Variants in ZNF552 observed in about 807,000 individuals in gnomAD.
ZNF552 encodes the protein zinc finger protein 552.
A neutral mutation model predicts 7.2 loss-of-function variants in ZNF552; 2 were observed. The observed-to-expected ratio is 0.28, with a 90% confidence interval of 0.11 to 0.88. ZNF552 has a LOEUF of 0.88. Ranked by LOEUF, ZNF552 falls within the 40% of genes least tolerant of loss-of-function variation. ZNF552 has a pLI of 0.60. For synonymous variants in ZNF552, 173 were observed against 176.5 expected (o/e 0.98, Z 0.16); for missense variants, 421 against 493.4 (o/e 0.85, Z 1.39).
chr19:57,813,553 G>A (rs1398323444), intron 1 of ZNF552, 133 bp from the exon 2 acceptor site: 4 of 1,371,378 alleles, frequency 2.9e-6, no homozygotes, highest in African/African-American at 1.5e-5. Flanking sequence ...AGGCCCACTG[G>A]TCATGGGGTA....
rs866844852 is a variant in ZNF552 at position 57,807,933 on chromosome 19, C to T, written c.*107G>A. 5 of 1,373,042 alleles carry T rather than the reference C, an allele frequency of 3.6e-6. No individual in the cohort carries two copies. The highest frequency in any genetic ancestry group is 3.8e-4 in the Middle Eastern group (2 of 5,318). The allele number at this position is 1,373,042 out of a possible 1,614,324, so 85.1% of individuals were successfully genotyped here. ...TTCTCTAGTGTGAACTCTCCAATAT[C>T]CAAGGAGAGCAGACCTTTGGGTAAA... On this transcript the variant is annotated 3_prime_UTR_variant, in exon 3 of 3. Transcript: ENST00000391701.
chr19:57,812,365 TA>T (rs1987874016), intron 2 of ZNF552, among the ~76,000 whole-genome samples: 1 of 152,112 alleles, frequency 6.6e-6, no homozygotes, highest in African/African-American at 2.4e-5. Flanking sequence ...CCTAGGATGC[TA>T]TTTTTCAGGG....
chr19:57,811,582 G>A (rs1467533317), intron 2 of ZNF552, among the ~76,000 whole-genome samples: 3 of 152,064 alleles, frequency 2.0e-5, no homozygotes, highest in Admixed American at 6.5e-5. Context: ...GCCGGGCATG[G>A]TGGCACATGC....
At chr19:57,813,140 G>T in intron 2 of ZNF552, 154 bp downstream of exon 2, 1 of 1,289,232 alleles carries the variant, frequency 7.8e-7, no homozygotes, top group Non-Finnish European at 1.0e-6. Context: ...CTCCAAGAAT[G>T]GAGAGGGCAG....
Position 57,808,588 on chromosome 19 carries a change from T to C in ZNF552, c.676A>G (p.Ile226Val). Residue 226 changes from isoleucine to valine, a missense_variant, in exon 3 of 3, where the codon ATA becomes GTA. Physicochemically the swap from Ile to Val is conservative, Grantham distance 29. Around this residue, in one of 2 missense-constraint regions of ZNF552, gnomAD observed 299 missense variants for 293.7 expected, o/e 1.02. Coordinates refer to ENST00000391701, the MANE Select transcript of ZNF552 (RefSeq NM_024762.3). ...GCMKHFSTKD[I>V]LSQHERLLPT... ...AGCAGTCTCTCGTGCTGACTGAGTA[T>C]ATCTTTGGTGCTAAAATGTTTCATG... The C allele has an allele frequency of 6.2e-7, 1 of 1,614,210 alleles. No homozygotes were observed. Among genetic ancestry groups the C allele is most frequent in the Non-Finnish European group, 8.5e-7 (1 of 1,180,054 alleles).
chr19:57,808,009 C>T lies in ZNF552; in HGVS notation c.*31G>A. On this transcript the variant is annotated 3_prime_UTR_variant, in exon 3 of 3. Coordinates refer to ENST00000391701, the MANE Select transcript of ZNF552 (RefSeq NM_024762.3). The stretch of plus-strand genomic sequence containing the variant: ...AGGATCTTACTCAGGTGTGTATTCT[C>T]CAATATTTAATGAGACTGGACTCAC... 6.4e-7 allele frequency: 1 copy of T among 1,560,998 alleles called. No homozygotes were observed. Among genetic ancestry groups the T allele is most frequent in the Non-Finnish European group, 8.7e-7 (1 of 1,155,134 alleles).
chr19:57,814,700 G>C lies in ZNF552; in HGVS notation c.33+11C>G. The C allele has an allele frequency of 6.2e-7, 1 of 1,614,068 alleles. No individual in the cohort carries two copies. Among genetic ancestry groups the C allele is most frequent in the East Asian group, 2.2e-5 (1 of 44,872 alleles). On this transcript the variant is annotated intron_variant, in intron 1 of 2. Transcript: ENST00000391701. The stretch of plus-strand genomic sequence containing the variant: ...GAGGTGACCGGAGAGCACGGAAGGC[G>C]CCACAATTACCTGAACGGGGAACCT...
intron 2 of ZNF552, among the ~76,000 whole-genome samples, chr19:57,809,750 T>C (rs1027744330): frequency 1.3e-5 from 2 of 151,714 alleles, no homozygotes; most frequent in African/African-American, 4.8e-5. Context: ...GTAAACCCAA[T>C]GTAGGAAGAT....
chr19:57,807,684 A>G lies in ZNF552; in HGVS notation c.*356T>C, dbSNP rs115106669. ...GTCCAGACTGGACTGCAGTGTTGCA[A>G]TCTCGGCTCACTGCAACCTCTGCCT... On this transcript the variant is annotated 3_prime_UTR_variant, in exon 3 of 3. Coordinates refer to ENST00000391701, the MANE Select transcript of ZNF552 (RefSeq NM_024762.3). 1,328 of 219,906 alleles carry G rather than the reference A, an allele frequency of 6.0e-3. 22 individuals carry two copies. Among genetic ancestry groups the G allele is most frequent in the African/African-American group, 0.028 (1,224 of 43,774 alleles). 13.6% of individuals were successfully genotyped at this position (219,906 alleles called of 1,614,324 possible). A position where few individuals can be genotyped will look rare whatever the true frequency, so the allele number is the denominator to read the frequency against.
intron 2 of ZNF552, among the ~76,000 whole-genome samples, chr19:57,811,813 G>A (rs1427023009): frequency 2.0e-5 from 3 of 150,724 alleles, no homozygotes; most frequent in Non-Finnish European, 4.4e-5. Flanking sequence ...GGCGGATCAT[G>A]AAGTCAGGAG....
At chr19:57,812,399 G>A (rs763399049) in intron 2 of ZNF552, among the ~76,000 whole-genome samples, 1 of 151,788 alleles carries the variant, frequency 6.6e-6, no homozygotes, top group African/African-American at 2.4e-5. Flanking sequence ...TAATGCTGAG[G>A]CCAGATTCAT....
chr19:57,812,575 T>A (rs1987877799), intron 2 of ZNF552, among the ~76,000 whole-genome samples: 1 of 152,128 alleles, frequency 6.6e-6, no homozygotes, highest in Non-Finnish European at 1.5e-5. Flanking sequence ...ACAAAAAGAA[T>A]TTCTGTTTTT....
intron 1 of ZNF552, 26 bp downstream of exon 1, chr19:57,814,685 G>A: frequency 6.2e-7 from 1 of 1,614,132 alleles, no homozygotes; most frequent in Non-Finnish European, 8.5e-7. Context: ...GAGGTGACCG[G>A]AGAGCACGGA....
Position 57,808,647 on chromosome 19 carries a change from T to A in ZNF552, c.617A>T (p.His206Leu), listed in dbSNP as rs371606139. The stretch of plus-strand genomic sequence containing the variant: ...ACAGCTGTAATGGCTTTTTCCCCCA[T>A]GAAACAGAGACACACACTCAGTTTT... ...NSKTECVSLF[H>L]GGKSHYSCGG... The change falls in exon 3 of 3, where the codon CAT becomes CTT. Residue 206 changes from histidine (H) to leucine (L), a missense_variant. By Grantham distance (99) the His-to-Leu change is moderately conservative. This residue lies in a region of ZNF552 where 299 missense variants were observed against 293.7 expected (regional missense o/e 1.02). Coordinates refer to ENST00000391701, the MANE Select transcript of ZNF552 (RefSeq NM_024762.3). 8.1e-6 allele frequency: 13 copies of A among 1,614,180 alleles called. No individual in the cohort carries two copies. The South Asian group carries it at 1.4e-4, about 18-fold the overall frequency.
intron 2 of ZNF552, 62 bp downstream of exon 2, chr19:57,813,232 A>C: frequency 6.2e-7 from 1 of 1,601,378 alleles, no homozygotes; most frequent in Non-Finnish European, 8.5e-7. Context: ...TCTTGCCAAT[A>C]GAAAAAGAGG....
intron 2 of ZNF552, among the ~76,000 whole-genome samples, chr19:57,811,081 AG>A (rs1987845744): frequency 6.6e-6 from 1 of 152,198 alleles, no homozygotes; most frequent in South Asian, 2.1e-4. Context: ...TAAATACTGA[AG>A]GAACTCGGAG....
intron 1 of ZNF552, chr19:57,814,400 AG>A (rs1311417013): frequency 2.2e-6 from 2 of 921,218 alleles, no homozygotes; most frequent in African/African-American, 3.3e-5. Flanking sequence ...ATGATTTCAC[AG>A]CCCCCAGCCT....
intron 2 of ZNF552, among the ~76,000 whole-genome samples, chr19:57,810,017 G>A (rs1282639084): frequency 6.6e-6 from 1 of 152,102 alleles, no homozygotes; most frequent in Non-Finnish European, 1.5e-5. Context: ...TGAGGCTGGA[G>A]GATCACTTGA....
rs1987764178 is a variant in ZNF552 at position 57,807,532 on chromosome 19, G to A, written c.*508C>T. On this transcript the variant is annotated 3_prime_UTR_variant, in exon 3 of 3. Transcript: ENST00000391701. ...ATTATGCCACTGTACTCCAGCCTGGGTGACAGAGCGAGGCTGTCTCAAAAA... is the reference window on the plus strand; with the variant it reads ...ATTATGCCACTGTACTCCAGCCTGGATGACAGAGCGAGGCTGTCTCAAAAA... 1 of 153,682 alleles carries A rather than the reference G, an allele frequency of 6.5e-6. No homozygotes were observed. Among genetic ancestry groups the A allele is most frequent in the East Asian group, 1.9e-4 (1 of 5,216 alleles). The allele number at this position is 153,682 out of a possible 1,614,324, so 9.5% of individuals were successfully genotyped here.
Sources: gnomAD v4.1 joint callset for allele counts (sites outside exome capture counted in the v4.1 genomes callset) on GRCh38, gnomAD v4.1.1 for gene constraint, gnomAD v4.1.1 regional missense constraint, MANE v1.5 for transcripts, NCBI Gene and HGNC (gene_info 2026-07-23, HGNC 2026-07-21) for gene names.